Variants in LAMA2 observed in about 807,000 individuals in gnomAD.
The protein encoded by LAMA2 is laminin subunit alpha-2.
In LAMA2, 269 loss-of-function variants were observed where a neutral mutation model predicts 364.8. That is an observed-to-expected ratio of 0.74 (90% confidence interval 0.67 to 0.82). The LOEUF (loss-of-function observed/expected upper bound fraction) is 0.82, where lower values mean the gene tolerates loss of function less well. LAMA2 is among the 40% of genes least tolerant of loss of function. LAMA2 has a pLI of 0.00. For synonymous variants in LAMA2, 1,379 were observed against 1,370.6 expected (o/e 1.01, Z -0.14); for missense variants, 3,807 against 3,873.2 (o/e 0.98, Z 0.45).
intron 5 of LAMA2, among the ~76,000 whole-genome samples, chr6:129,145,396 T>C (rs906035912): frequency 6.6e-6 from 1 of 152,046 alleles, no homozygotes; most frequent in Non-Finnish European, 1.5e-5. Context: ...TACCTCAACA[T>C]ATTGTAAATT....
chr6:129,471,959 G>T lies in LAMA2; in HGVS notation c.7301-1255G>T, dbSNP rs80163850. On this transcript the variant is annotated intron_variant, in intron 51 of 64. Coordinates refer to ENST00000421865, the MANE Select transcript of LAMA2 (RefSeq NM_000426.4). ...AAACTTCAAGGGAATTTTGGAATTT[G>T]ATGTTTCTCTCTGTTTTCCAAAGAA... 9.0e-3 allele frequency among the ~76,000 whole-genome samples: 1,361 copies of T among 151,978 alleles called. 12 individuals are homozygous for T. Among genetic ancestry groups the T allele is most frequent in the African/African-American group, 0.031 (1,290 of 41,510 alleles).
intron 11 of LAMA2, among the ~76,000 whole-genome samples, chr6:129,192,291 G>C (rs555120799): frequency 1.3e-5 from 2 of 152,178 alleles, no homozygotes; most frequent in Non-Finnish European, 2.9e-5. Flanking sequence ...ACTACTAGTG[G>C]AGTAAAAAAT....
chr6:129,361,437 G>T (rs931075972), intron 32 of LAMA2, among the ~76,000 whole-genome samples: 1 of 152,226 alleles, frequency 6.6e-6, no homozygotes, highest in Admixed American at 6.5e-5. Flanking sequence ...AACAACAAGT[G>T]CATACACTCT....
intron 35 of LAMA2, among the ~76,000 whole-genome samples, chr6:129,387,170 T>C (rs1779063655): frequency 6.6e-6 from 1 of 152,202 alleles, no homozygotes; most frequent in African/African-American, 2.4e-5. Flanking sequence ...TTATTTTCCT[T>C]TTTACTTTAA....
chr6:129,391,882 A>G (rs899970099), intron 36 of LAMA2, among the ~76,000 whole-genome samples: 1 of 152,146 alleles, frequency 6.6e-6, no homozygotes, highest in African/African-American at 2.4e-5. Context: ...CATTGTTCCA[A>G]AATGAATCAA....
At chr6:129,227,765 T>C (rs993524433) in intron 12 of LAMA2, among the ~76,000 whole-genome samples, 1 of 152,130 alleles carries the variant, frequency 6.6e-6, no homozygotes. Flanking sequence ...AGTTAGGCTA[T>C]TCAGGGCTCA....
At chr6:129,128,615 T>G (rs1777260460) in intron 4 of LAMA2, among the ~76,000 whole-genome samples, 1 of 152,244 alleles carries the variant, frequency 6.6e-6, no homozygotes, top group East Asian at 1.9e-4. Flanking sequence ...TATTAAATTC[T>G]TCCAATCCAT....
At chr6:129,434,329 C>T (rs1781737414) in intron 41 of LAMA2, among the ~76,000 whole-genome samples, 1 of 152,114 alleles carries the variant, frequency 6.6e-6, no homozygotes, top group Non-Finnish European at 1.5e-5. Flanking sequence ...ATTGTGAGTC[C>T]TGCTTTTGCC....
intron 1 of LAMA2, among the ~76,000 whole-genome samples, chr6:128,982,534 G>T (rs901256735): frequency 6.6e-6 from 1 of 151,978 alleles, no homozygotes; most frequent in African/African-American, 2.4e-5. Flanking sequence ...TTTTATGAGT[G>T]AAAATTGTAT....
chr6:129,083,043 G>A (rs4354176), intron 3 of LAMA2, among the ~76,000 whole-genome samples: 144,357 of 151,994 alleles, frequency 0.95, 68,615 homozygotes, highest in East Asian at 0.97. Context: ...CACCATTAAC[G>A]TTTGGATTTA....
At chr6:129,128,852 A>G (rs529214185) in intron 4 of LAMA2, among the ~76,000 whole-genome samples, 1 of 152,262 alleles carries the variant, frequency 6.6e-6, no homozygotes, top group Non-Finnish European at 1.5e-5. Context: ...TTTATATAGT[A>G]AAATCTTTTC....
intron 22 of LAMA2, among the ~76,000 whole-genome samples, chr6:129,304,299 C>T (rs1413934831): frequency 6.6e-6 from 1 of 152,126 alleles, no homozygotes; most frequent in Non-Finnish European, 1.5e-5. Flanking sequence ...GAGTCTTGCT[C>T]TGACCCCCAG....
chr6:129,412,733 C>A (rs1372639641), intron 40 of LAMA2, among the ~76,000 whole-genome samples: 1 of 152,270 alleles, frequency 6.6e-6, no homozygotes, highest in South Asian at 2.1e-4. Flanking sequence ...GTTATACCAC[C>A]TTTTGCATCT....
chr6:129,023,330 G>A (rs1002279870), intron 1 of LAMA2, among the ~76,000 whole-genome samples: 1 of 152,008 alleles, frequency 6.6e-6, no homozygotes, highest in Admixed American at 6.5e-5. Flanking sequence ...ACCATTTTAG[G>A]TTTGTCTTTG....
At chr6:128,903,673 A>G (rs781169676) in intron 1 of LAMA2, among the ~76,000 whole-genome samples, 10 of 152,078 alleles carry the variant, frequency 6.6e-5, no homozygotes, top group Non-Finnish European at 1.0e-4. Context: ...CTGCTTTATT[A>G]TTCCCTTGTA....
chr6:129,383,436 T>A (rs1237656629), intron 35 of LAMA2, among the ~76,000 whole-genome samples: 1 of 152,176 alleles, frequency 6.6e-6, no homozygotes, highest in African/African-American at 2.4e-5. Flanking sequence ...GCGACAATAG[T>A]GAATTAGCGA....
At chr6:128,933,230 CTG>C (rs71028134) in intron 1 of LAMA2, among the ~76,000 whole-genome samples, 41,175 of 145,818 alleles carry the variant, frequency 0.28, 5,785 homozygotes, top group African/African-American at 0.37. Context: ...CCCTCTCTTT[CTG>C]TGTGTGTGTG....
chr6:128,935,467 A>T (rs542807569), intron 1 of LAMA2, among the ~76,000 whole-genome samples: 236 of 152,124 alleles, frequency 1.6e-3, no homozygotes, highest in Non-Finnish European at 2.4e-3. Context: ...TCTATTATTG[A>T]TGGACATTTG....
chr6:129,401,252 A>C lies in LAMA2; in HGVS notation c.5474A>C (p.Lys1825Thr). ...EKKKEAVESG[K>T]RQIENTLKEG... Reference sequence around the variant, plus strand: ...AAGAAGGAGGCTGTTGAAAGCGGCAAACGACAAATTGAGAACACTTTAAAA... The same window carrying C: ...AAGAAGGAGGCTGTTGAAAGCGGCACACGACAAATTGAGAACACTTTAAAA... The change falls in exon 38 of 65, where the codon AAA becomes ACA. Residue 1825 changes from lysine to threonine, a missense_variant. Around this residue, in one of 3 missense-constraint regions of LAMA2, gnomAD observed 3,333 missense variants for 3,345.7 expected, o/e 1.00. Transcript: ENST00000421865. 1 of 1,611,470 alleles carries C rather than the reference A, an allele frequency of 6.2e-7. No individual in the cohort carries two copies. Among genetic ancestry groups the C allele is most frequent in the Non-Finnish European group, 8.5e-7 (1 of 1,177,674 alleles).
Sources: allele counts gnomAD v4.1 joint callset (sites outside exome capture counted in the v4.1 genomes callset), GRCh38; gene constraint gnomAD v4.1.1; regional missense constraint gnomAD v4.1.1; transcripts MANE v1.5; gene names NCBI Gene and HGNC (gene_info 2026-07-23, HGNC 2026-07-21).